The following UCHL5 variants were observed in gnomAD, a reference collection of about 807,000 sequenced individuals.
UCHL5 encodes the protein ubiquitin C-terminal hydrolase L5.
A neutral mutation model predicts 53.8 loss-of-function variants in UCHL5; 34 were observed. That is an observed-to-expected ratio of 0.63 (90% CI 0.48 to 0.84). UCHL5 has a LOEUF of 0.84. Ranked by LOEUF, UCHL5 falls within the 40% of genes least tolerant of loss-of-function variation. The pLI, the probability that UCHL5 is intolerant of heterozygous loss-of-function variation, is 0.00. For synonymous variants in UCHL5, 111 were observed against 126.3 expected (o/e 0.88, Z 0.81); for missense variants, 290 against 385.6 (o/e 0.75, Z 2.08).
intron 3 of UCHL5, among the ~76,000 whole-genome samples, chr1:193,047,754 T>C (rs1667807151): frequency 6.6e-6 from 1 of 152,184 alleles, no homozygotes; most frequent in Admixed American, 6.5e-5. Flanking sequence ...ATGGTTTCCA[T>C]TGTAATTCTA....
chr1:193,037,823 C>T (rs1420207964), intron 3 of UCHL5, among the ~76,000 whole-genome samples: 2 of 147,934 alleles, frequency 1.4e-5, no homozygotes, highest in Non-Finnish European at 3.0e-5. Context: ...ACCAACATGG[C>T]ACATGTATAC....
At chr1:193,029,130 A>C in intron 6 of UCHL5, 49 bp downstream of exon 6, 1 of 1,589,850 alleles carries the variant, frequency 6.3e-7, no homozygotes, top group Non-Finnish European at 8.6e-7. Flanking sequence ...AATACCCAAC[A>C]GATTTTCCCC....
chr1:193,016,401 A>T lies in UCHL5; in HGVS notation c.943-6T>A, dbSNP rs774742605. 1 of 1,604,472 alleles carries T rather than the reference A, an allele frequency of 6.2e-7. No homozygotes were observed. ...GCGTTCTGTTTTTCTTTTGCCTAAAAATTAAAAATAGTATGTTACAAAATT... is the reference window on the plus strand; with the variant it reads ...GCGTTCTGTTTTTCTTTTGCCTAAATATTAAAAATAGTATGTTACAAAATT... On this transcript the variant is annotated splice_region_variant and splice_polypyrimidine_tract_variant and intron_variant, in intron 10 of 10. Coordinates refer to ENST00000367454, the MANE Select transcript of UCHL5 (RefSeq NM_001199261.3).
At position 193,012,586 on chromosome 1, in the gene UCHL5, A is replaced by C. The variant is rs1425505022; in HGVS notation, c.*3765T>G. ...ATATGCAATCCACTTGTACAGTGCT[A>C]GTTCAGTACTAGAGAAAAAATTATC... On this transcript the variant is annotated 3_prime_UTR_variant, in exon 11 of 11. Transcript: ENST00000367454. The C allele has an allele frequency of 6.6e-6, 1 of 152,194 alleles. No individual in the cohort carries two copies. Among genetic ancestry groups the C allele is most frequent in the Non-Finnish European group, 1.5e-5 (1 of 68,024 alleles). 9.4% of individuals were successfully genotyped at this position (152,194 alleles called of 1,614,324 possible). A position where few individuals can be genotyped will look rare whatever the true frequency, so the allele number is the denominator to read the frequency against.
At chr1:193,041,581 A>G (rs1267523668) in intron 3 of UCHL5, among the ~76,000 whole-genome samples, 2 of 152,208 alleles carry the variant, frequency 1.3e-5, no homozygotes, top group Admixed American at 1.3e-4. Flanking sequence ...TTCCTTCAAA[A>G]GTTGCACATT....
intron 7 of UCHL5, among the ~76,000 whole-genome samples, chr1:193,025,023 C>G (rs997027247): frequency 4.6e-5 from 7 of 152,094 alleles, no homozygotes; most frequent in Non-Finnish European, 8.8e-5. Context: ...AGCAGACAAG[C>G]TGGGGAACTC....
intron 10 of UCHL5, 28 bp downstream of exon 10, chr1:193,021,064 CTTAAT>C (rs754690203): frequency 1.4e-5 from 21 of 1,479,174 alleles, no homozygotes; most frequent in East Asian, 4.6e-5. Flanking sequence ...AGACTCTAAA[CTTAAT>C]TTAAGTATCT....
At chr1:193,031,477 T>C (rs902906796) in intron 3 of UCHL5, among the ~76,000 whole-genome samples, 1 of 152,126 alleles carries the variant, frequency 6.6e-6, no homozygotes, top group African/African-American at 2.4e-5. Flanking sequence ...TCAATAATAA[T>C]TTACACTGTC....
At chr1:193,040,683 T>C (rs1048581829) in intron 3 of UCHL5, among the ~76,000 whole-genome samples, 1 of 152,192 alleles carries the variant, frequency 6.6e-6, no homozygotes, top group Non-Finnish European at 1.5e-5. Flanking sequence ...CAAAGAGATA[T>C]CTGCACTCCT....
intron 3 of UCHL5, among the ~76,000 whole-genome samples, chr1:193,040,342 T>C (rs1274991975): frequency 6.6e-6 from 1 of 152,140 alleles, no homozygotes; most frequent in Non-Finnish European, 1.5e-5. Flanking sequence ...ACAGAAGATC[T>C]GAATAGACAT....
chr1:193,056,599 G>A (rs1279645299), intron 1 of UCHL5, among the ~76,000 whole-genome samples: 1 of 152,054 alleles, frequency 6.6e-6, no homozygotes, highest in Non-Finnish European at 1.5e-5. Flanking sequence ...GTACAGTTCT[G>A]CTCCACCAGT....
At chr1:193,025,302 T>C (rs1445031457) in intron 7 of UCHL5, among the ~76,000 whole-genome samples, 1 of 152,190 alleles carries the variant, frequency 6.6e-6, no homozygotes, top group Non-Finnish European at 1.5e-5. Flanking sequence ...AAAAGCAGAA[T>C]AGAGAGCTGG....
At chr1:193,056,885 C>T (rs1242288088) in intron 1 of UCHL5, among the ~76,000 whole-genome samples, 1 of 152,186 alleles carries the variant, frequency 6.6e-6, no homozygotes, top group East Asian at 1.9e-4. Flanking sequence ...TAATTGTTTG[C>T]AGGTTCTTCT....
intron 1 of UCHL5, among the ~76,000 whole-genome samples, chr1:193,055,514 C>A (rs6676322): frequency 6.6e-6 from 1 of 152,010 alleles, no homozygotes; most frequent in Non-Finnish European, 1.5e-5. Flanking sequence ...ATCTCTAAAC[C>A]AAAAGTTGTC....
At chr1:193,056,510 A>C (rs942554461) in intron 1 of UCHL5, among the ~76,000 whole-genome samples, 1 of 152,168 alleles carries the variant, frequency 6.6e-6, no homozygotes, top group Non-Finnish European at 1.5e-5. Flanking sequence ...AAATATTTAC[A>C]GCTTCTGTTT....
intron 3 of UCHL5, among the ~76,000 whole-genome samples, chr1:193,036,202 T>A (rs1663319366): frequency 6.7e-6 from 1 of 149,958 alleles, no homozygotes; most frequent in Non-Finnish European, 1.5e-5. Flanking sequence ...AGTCTCTGAG[T>A]TCATAAAGAT....
Position 193,029,315 on chromosome 1 carries a change from G to A in UCHL5, c.435-6C>T. 1.2e-6 allele frequency: 2 copies of A among 1,612,868 alleles called. No individual in the cohort carries two copies. The highest frequency in any genetic ancestry group is 4.5e-5 in the East Asian group (2 of 44,838). On this transcript the variant is annotated splice_region_variant and splice_polypyrimidine_tract_variant and intron_variant, in intron 5 of 10. Coordinates refer to ENST00000367454, the MANE Select transcript of UCHL5 (RefSeq NM_001199261.3). ...CAAATTCAAACATTTGCTGTCTACA[G>A]TAAATAAAAAAATAGTGAAACTCAA...
At chr1:193,060,075 G>T, upstream of UCHL5, 1 of 1,298,334 alleles carries the variant, frequency 7.7e-7, no homozygotes, top group South Asian at 1.3e-5. Flanking sequence ...GACGTCGAGA[G>T]GGCCTGCTTT....
At chr1:193,027,140 A>G (rs548574537) in intron 7 of UCHL5, among the ~76,000 whole-genome samples, 1 of 152,198 alleles carries the variant, frequency 6.6e-6, no homozygotes, top group Non-Finnish European at 1.5e-5. Context: ...ATCTTTGTGG[A>G]GAGCAAATTT....
Sources: allele counts gnomAD v4.1 joint callset (sites outside exome capture counted in the v4.1 genomes callset), GRCh38; gene constraint gnomAD v4.1.1; transcripts MANE v1.5; gene names NCBI Gene and HGNC (gene_info 2026-07-23, HGNC 2026-07-21).